The following TTLL4 variants were observed in gnomAD, a reference collection of about 807,000 sequenced individuals.
The protein encoded by TTLL4 is tubulin tyrosine ligase like 4.
A neutral mutation model predicts 122.7 loss-of-function variants in TTLL4; 85 were observed. The ratio of observed to expected loss-of-function variants is 0.69; its 90% confidence interval spans 0.58 to 0.83. TTLL4 has a LOEUF of 0.83. Ranked by LOEUF, TTLL4 falls within the 40% of genes least tolerant of loss-of-function variation. TTLL4 has a pLI of 0.00. For synonymous variants in TTLL4, 553 were observed against 563.0 expected (o/e 0.98, Z 0.25); for missense variants, 1,363 against 1,488.6 (o/e 0.92, Z 1.39).
In TTLL4 at chr2:218,754,349, T is replaced by C. The variant is rs775659005; in HGVS notation, c.3560T>C (p.Phe1187Ser). ...QTSRLSASST[F>S]QSISDSLLAV... ...TCAAGACTTTCTGCTTCCTCCACTT[T>C]CCAGTCAATCAGTGACTCCCTCCTG... is the stretch of plus-strand genomic sequence containing the variant. The change falls in exon 20 of 20, where the codon TTC becomes TCC. Residue 1187 changes from phenylalanine (F) to serine (S), a missense_variant. Around this residue, in one of 3 missense-constraint regions of TTLL4, gnomAD observed 596 missense variants for 655.8 expected, o/e 0.91. Transcript: ENST00000392102. 17 of 1,614,030 alleles carry C rather than the reference T, an allele frequency of 1.1e-5. No individual in the cohort carries two copies. Among genetic ancestry groups the C allele is most frequent in the East Asian group, 4.5e-5 (2 of 44,892 alleles).
At chr2:218,748,412 T>G in intron 12 of TTLL4, 185 bp downstream of exon 12, 1 of 953,748 alleles carries the variant, frequency 1.0e-6, no homozygotes, top group Non-Finnish European at 1.5e-6. Flanking sequence ...CCTAGCACTT[T>G]GGGAGGCCAA....
At chr2:218,751,094 T>A (rs1004882948) in intron 15 of TTLL4, among the ~76,000 whole-genome samples, 1 of 152,228 alleles carries the variant, frequency 6.6e-6, no homozygotes, top group Non-Finnish European at 1.5e-5. Context: ...GTGGTAGGAC[T>A]GGAATTCAAA....
Position 218,754,139 on chromosome 2 carries a change from A to G in TTLL4, c.3350A>G (p.Gln1117Arg), listed in dbSNP as rs1943099078. ...TCACCACCTATTCCCTCCAGAAAACAAAGCTCCTGTGAGGTTAGCCTACTA... is the reference window on the plus strand; with the variant it reads ...TCACCACCTATTCCCTCCAGAAAACGAAGCTCCTGTGAGGTTAGCCTACTA... ...SKSETSKLGKQSSCEVSLLLS... is the reference protein window; with the variant it reads ...SKSETSKLGKRSSCEVSLLLS... Residue 1117 changes from glutamine (Q) to arginine (R), a missense_variant, in exon 20 of 20, where the codon CAA (glutamine) becomes CGA (arginine). Gln to Arg is a conservative substitution (Grantham distance 43, BLOSUM62 1). This residue lies in a region of TTLL4 where 596 missense variants were observed against 655.8 expected (regional missense o/e 0.91). Coordinates refer to ENST00000392102, the MANE Select transcript of TTLL4 (RefSeq NM_014640.5). 6.2e-7 allele frequency: 1 copy of G among 1,614,010 alleles called. No homozygotes were observed. Among genetic ancestry groups the G allele is most frequent in the African/African-American group, 1.3e-5 (1 of 74,906 alleles).
intron 12 of TTLL4, 170 bp from the exon 13 acceptor site, chr2:218,748,654 CAAAAAAAAAAAA>C: frequency 8.9e-6 from 2 of 224,978 alleles, no homozygotes; most frequent in Non-Finnish European, 7.9e-6. Context: ...AACTCCATCT[CAAAAAAAAAAAA>C]AAAAAAAAAG....
Position 218,730,811 on chromosome 2 carries a change from T to C in TTLL4, c.-99+3464T>C, listed in dbSNP as rs1012617207. On this transcript the variant is annotated intron_variant, in intron 2 of 19. Coordinates refer to ENST00000392102, the MANE Select transcript of TTLL4 (RefSeq NM_014640.5). ...TATTTAAAATACTATCTGTTACAGG[T>C]GTGCACCACCATGCCGGGTGTGGTG... Among the ~76,000 whole-genome samples the C allele has an allele frequency of 5.3e-5, 8 of 151,044 alleles. No homozygotes were observed. In the East Asian group the frequency reaches 1.6e-3, roughly 30 times the overall value.
chr2:218,736,555 T>A (rs529925694), intron 2 of TTLL4, among the ~76,000 whole-genome samples: 1 of 152,244 alleles, frequency 6.6e-6, no homozygotes, highest in Non-Finnish European at 1.5e-5. Flanking sequence ...CTCCCTGAAC[T>A]CTCCTGTCCC....
chr2:218,736,690 G>A (rs891610342), intron 2 of TTLL4, among the ~76,000 whole-genome samples: 1 of 152,170 alleles, frequency 6.6e-6, no homozygotes, highest in African/African-American at 2.4e-5. Context: ...TAGCAGAGAT[G>A]AAATTGCTGT....
intron 1 of TTLL4, among the ~76,000 whole-genome samples, chr2:218,712,682 C>A (rs758430377): frequency 6.6e-6 from 1 of 152,120 alleles, no homozygotes; most frequent in East Asian, 1.9e-4. Context: ...CCACCGCGCC[C>A]GGCCCCAATG....
Position 218,753,144 on chromosome 2 carries a change from A to G in TTLL4, c.3217A>G (p.Lys1073Glu), listed in dbSNP as rs761256078. Residue 1073 changes from lysine (K) to glutamate (E), a missense_variant, in exon 18 of 20, where the codon AAA becomes GAA. Transcript: ENST00000392102. Reference sequence around the variant, plus strand: ...AGATCTGCTCCGGAGTTGGTGCTACAAAGGGTTCCACATGGGAGTTGTCTC... The same window carrying G: ...AGATCTGCTCCGGAGTTGGTGCTACGAAGGGTTCCACATGGGAGTTGTCTC... Reference protein sequence around the residue: ...GVDLLRSWCYKGFHMGVVSDS... With the variant: ...GVDLLRSWCYEGFHMGVVSDS... The G allele has an allele frequency of 5.9e-5, 95 of 1,614,052 alleles. No individual in the cohort carries two copies. The South Asian group carries it at 7.8e-4, about 13-fold the overall frequency.
Position 218,749,304 on chromosome 2 carries a change from T to G in TTLL4, c.2652T>G (p.Tyr884Ter). Residue 884 changes from tyrosine to a stop codon, truncating the protein, a stop_gained, in exon 14 of 20, where the codon TAT becomes TAG. Transcript: ENST00000392102. LOFTEE classifies it high-confidence loss of function. ...TCAAGATGTATGTGCGACGGCCCTATAGCTGCCATGAACTCTTTGGTTTTG... is the reference window on the plus strand; with the variant it reads ...TCAAGATGTATGTGCGACGGCCCTAGAGCTGCCATGAACTCTTTGGTTTTG... ...SLLKMYVRRP[Y>*]SCHELFGFDI... 6.2e-7 allele frequency: 1 copy of G among 1,614,148 alleles called. No individual in the cohort carries two copies. The highest frequency in any genetic ancestry group is 8.5e-7 in the Non-Finnish European group (1 of 1,180,028).
rs760529000 is a variant in TTLL4, at chr2:218,740,042, T to G, written c.1488-16T>G. 1 of 1,611,922 alleles carries G rather than the reference T, an allele frequency of 6.2e-7. No individual in the cohort carries two copies. Among genetic ancestry groups the G allele is most frequent in the African/African-American group, 1.3e-5 (1 of 74,876 alleles). ...GATGGAGTTGACTAGGCTGGGGGCA[T>G]GATTCTTTCTTTTAGTTCAGCTACT... On this transcript the variant is annotated splice_polypyrimidine_tract_variant and intron_variant, in intron 3 of 19. Transcript: ENST00000392102.
chr2:218,748,094 C>T lies in TTLL4; in HGVS notation c.2379-11C>T. On this transcript the variant is annotated splice_polypyrimidine_tract_variant and intron_variant, in intron 11 of 19. Coordinates refer to ENST00000392102, the MANE Select transcript of TTLL4 (RefSeq NM_014640.5). Reference sequence around the variant, plus strand: ...CCATCTTACCTCTGCCTTTTGTTTCCTTACTTCCAGGTATTCGCCTTCCAT... The same window carrying T: ...CCATCTTACCTCTGCCTTTTGTTTCTTTACTTCCAGGTATTCGCCTTCCAT... The T allele has an allele frequency of 6.2e-7, 1 of 1,614,080 alleles. No individual in the cohort carries two copies. The highest frequency in any genetic ancestry group is 8.5e-7 in the Non-Finnish European group (1 of 1,179,990).
intron 1 of TTLL4, among the ~76,000 whole-genome samples, chr2:218,717,484 A>G (rs1246918368): frequency 6.6e-6 from 1 of 152,122 alleles, no homozygotes; most frequent in Non-Finnish European, 1.5e-5. Context: ...CTTTTCAGTA[A>G]TTTATAGGTT....
chr2:218,719,067 G>A (rs78356442), intron 1 of TTLL4, among the ~76,000 whole-genome samples: 5,472 of 152,176 alleles, frequency 0.036, 318 homozygotes, highest in African/African-American at 0.13. Context: ...TTTTGTGGAG[G>A]TATAATTCAC....
intron 15 of TTLL4, 87 bp downstream of exon 15, chr2:218,750,233 C>T: frequency 6.6e-7 from 1 of 1,522,566 alleles, no homozygotes; most frequent in Non-Finnish European, 8.8e-7. Flanking sequence ...TGGGTGCTCC[C>T]TTCTGCCAGG....
intron 1 of TTLL4, among the ~76,000 whole-genome samples, chr2:218,720,237 T>C (rs1233382439): frequency 2.0e-5 from 3 of 152,026 alleles, no homozygotes; most frequent in Non-Finnish European, 4.4e-5. Context: ...AGATAATAGT[T>C]GACATTGTGA....
Position 218,745,215 on chromosome 2 carries a change from G to A in TTLL4, c.1768G>A (p.Gly590Ser). 6.2e-7 allele frequency: 1 copy of A among 1,613,966 alleles called. No homozygotes were observed. The highest frequency in any genetic ancestry group is 8.5e-7 in the Non-Finnish European group (1 of 1,179,942). Residue 590 changes from glycine (G) to serine (S), a missense_variant, in exon 6 of 20, where the codon GGC becomes AGC. By Grantham distance (56) the Gly-to-Ser change is moderately conservative (BLOSUM62 0). This residue lies in a region of TTLL4 where 760 missense variants were observed against 808.4 expected (regional missense o/e 0.94). Transcript: ENST00000392102. ...FPNVPPTIYF[G>S]TRDERVEKLP... ...CAACGTTCCCCCTACCATCTATTTT[G>A]GCACTCGGGATGAGAGAGGTAAACC...
At chr2:218,724,296 A>G (rs1942123820) in intron 1 of TTLL4, among the ~76,000 whole-genome samples, 1 of 152,240 alleles carries the variant, frequency 6.6e-6, no homozygotes, top group Admixed American at 6.5e-5. Context: ...TCCTCAGACC[A>G]GAAGGCAGGT....
chr2:218,756,150 G>A (rs1391890322), downstream of TTLL4, among the ~76,000 whole-genome samples: 1 of 152,196 alleles, frequency 6.6e-6, no homozygotes, highest in Non-Finnish European at 1.5e-5. Flanking sequence ...TGCCTGCCTG[G>A]CAGTTTTGTT....
Sources: gnomAD v4.1 joint callset for allele counts (sites outside exome capture counted in the v4.1 genomes callset) on GRCh38, gnomAD v4.1.1 for gene constraint, gnomAD v4.1.1 regional missense constraint, MANE v1.5 for transcripts, NCBI Gene and HGNC (gene_info 2026-07-23, HGNC 2026-07-21) for gene names.